The following ADGRL2 variants were observed in gnomAD, a reference collection of about 807,000 sequenced individuals.
ADGRL2 encodes the protein adhesion G protein-coupled receptor L2.
In ADGRL2, 44 loss-of-function variants were observed where a neutral mutation model predicts 157.4. The observed-to-expected ratio is 0.28, with a 90% CI of 0.22 to 0.36. The LOEUF is 0.36. Among genes scored for constraint, ADGRL2 ranks in the 10% least tolerant of loss-of-function variants. The probability of loss-of-function intolerance (pLI) is 1.00; values close to 1 mark genes in which losing one functional copy is unlikely to be tolerated. For missense variants in ADGRL2, 1,510 were observed against 1,768.9 expected (o/e 0.85, Z 2.63); for synonymous variants, 585 against 624.7 (o/e 0.94, Z 0.95).
intron 1 of ADGRL2, among the ~76,000 whole-genome samples, chr1:81,331,186 C>A (rs761524290): frequency 6.6e-6 from 1 of 151,972 alleles, no homozygotes; most frequent in Non-Finnish European, 1.5e-5. Context: ...ATACTCATAC[C>A]GTGTGTAATT....
chr1:81,353,309 G>A (rs561816927), intron 1 of ADGRL2, among the ~76,000 whole-genome samples: 2 of 152,248 alleles, frequency 1.3e-5, no homozygotes, highest in East Asian at 1.9e-4. Flanking sequence ...AAATATTAGG[G>A]AGCCTCTGAA....
At chr1:81,620,937 C>T (rs915265284) in intron 3 of ADGRL2, among the ~76,000 whole-genome samples, 2 of 152,124 alleles carry the variant, frequency 1.3e-5, no homozygotes, top group Non-Finnish European at 2.9e-5. Context: ...TAGGAAGTAC[C>T]GAGCAGCTCA....
chr1:81,843,024 TA>T (rs2092655465), intron 2 of ADGRL2, among the ~76,000 whole-genome samples: 1 of 152,206 alleles, frequency 6.6e-6, no homozygotes, highest in South Asian at 2.1e-4. Context: ...CCCATTAAAT[TA>T]ATAGGAATTG....
chr1:81,416,106 T>C (rs1354030639), intron 1 of ADGRL2, among the ~76,000 whole-genome samples: 2 of 152,082 alleles, frequency 1.3e-5, no homozygotes, highest in Non-Finnish European at 2.9e-5. Context: ...CACCTCGGCC[T>C]CCCAAAGTGC....
chr1:81,620,340 T>C (rs1299654072), intron 3 of ADGRL2, among the ~76,000 whole-genome samples: 4 of 152,242 alleles, frequency 2.6e-5, no homozygotes, highest in Admixed American at 2.6e-4. Flanking sequence ...AAATGTAAGA[T>C]GTACAACTAG....
chr1:81,778,066 A>G (rs1046597687), intron 2 of ADGRL2, among the ~76,000 whole-genome samples: 2 of 152,186 alleles, frequency 1.3e-5, no homozygotes, highest in Non-Finnish European at 2.9e-5. Context: ...CACGCCTGTA[A>G]TCCCAGCACT....
intron 1 of ADGRL2, chr1:81,427,167 A>G (rs12140644): frequency 0.13 from 130,061 of 1,033,540 alleles, 9,116 homozygotes; most frequent in Middle Eastern, 0.18. Flanking sequence ...TGCGGAGGAA[A>G]CTTTCGAGGT....
At chr1:81,684,037 G>A (rs544156646) in intron 3 of ADGRL2, among the ~76,000 whole-genome samples, 2 of 152,058 alleles carry the variant, frequency 1.3e-5, no homozygotes, top group African/African-American at 2.4e-5. Context: ...GGCTGGTCTC[G>A]AACTCCTGAC....
At chr1:81,693,587 G>T (rs541019865) in intron 3 of ADGRL2, among the ~76,000 whole-genome samples, 2 of 152,134 alleles carry the variant, frequency 1.3e-5, no homozygotes, top group African/African-American at 4.8e-5. Context: ...TTTATCCCAG[G>T]GAATGTGGAC....
intron 1 of ADGRL2, among the ~76,000 whole-genome samples, chr1:81,400,277 A>G (rs2076728866): frequency 6.6e-6 from 1 of 152,032 alleles, no homozygotes; most frequent in Non-Finnish European, 1.5e-5. Context: ...CACTAGGAAC[A>G]TCTTTGGGGC....
intron 2 of ADGRL2, among the ~76,000 whole-genome samples, chr1:81,481,546 C>T (rs1323615947): frequency 6.6e-6 from 1 of 152,124 alleles, no homozygotes; most frequent in Non-Finnish European, 1.5e-5. Context: ...CCTTGCTCTC[C>T]CTGATTTGGG....
At chr1:81,702,729 G>C (rs2083613217) in intron 1 of ADGRL2, among the ~76,000 whole-genome samples, 1 of 152,138 alleles carries the variant, frequency 6.6e-6, no homozygotes, top group South Asian at 2.1e-4. Context: ...AAAAATATTT[G>C]TTATATGGAT....
chr1:81,522,145 A>T (rs1434786322), intron 2 of ADGRL2, among the ~76,000 whole-genome samples: 1 of 151,834 alleles, frequency 6.6e-6, no homozygotes, highest in East Asian at 1.9e-4. Flanking sequence ...TTGTATTTGT[A>T]GTAGAGATGG....
At chr1:81,763,844 T>G (rs1315552064) in intron 2 of ADGRL2, among the ~76,000 whole-genome samples, 1 of 151,448 alleles carries the variant, frequency 6.6e-6, no homozygotes, top group South Asian at 2.1e-4. Context: ...CCGTCTCTAC[T>G]AAATATACAA....
chr1:81,706,716 T>C (rs891841432), intron 1 of ADGRL2, among the ~76,000 whole-genome samples: 3 of 151,858 alleles, frequency 2.0e-5, no homozygotes, highest in Non-Finnish European at 2.9e-5. Context: ...AAAAGAAAAC[T>C]GAGAATGTCC....
At chr1:81,727,353 C>G (rs139519292) in intron 1 of ADGRL2, among the ~76,000 whole-genome samples, 6 of 152,186 alleles carry the variant, frequency 3.9e-5, no homozygotes, top group African/African-American at 1.2e-4. Flanking sequence ...TGTTTTAGTA[C>G]ATATTTATTT....
chr1:81,880,506 G>A (rs1486554953), intron 2 of ADGRL2, among the ~76,000 whole-genome samples: 1 of 152,150 alleles, frequency 6.6e-6, no homozygotes, highest in African/African-American at 2.4e-5. Flanking sequence ...AGTGAGTGGT[G>A]TAGATTTTAT....
At chr1:81,515,411 G>A (rs2079155898) in intron 2 of ADGRL2, among the ~76,000 whole-genome samples, 2 of 148,422 alleles carry the variant, frequency 1.3e-5, no homozygotes, top group East Asian at 2.0e-4. Context: ...AGCTCAGAGA[G>A]GAGAATCATT....
intron 1 of ADGRL2, among the ~76,000 whole-genome samples, chr1:81,747,197 ATGTATATATATGTATG>A (rs1486775668): frequency 7.4e-6 from 1 of 135,496 alleles, no homozygotes; most frequent in Non-Finnish European, 1.6e-5. Context: ...GTGTGTATGC[ATGTATATATATGTATG>A]TGTGTATATA....
Sources: gnomAD v4.1 joint callset for allele counts (sites outside exome capture counted in the v4.1 genomes callset) on GRCh38, gnomAD v4.1.1 for gene constraint, MANE v1.5 for transcripts, NCBI Gene and HGNC (gene_info 2026-07-23, HGNC 2026-07-21) for gene names.